The following PIM3 variants were observed in gnomAD, a reference collection of about 807,000 sequenced individuals.
PIM3 encodes Pim-3 proto-oncogene, serine/threonine kinase.
A neutral mutation model predicts 27.5 loss-of-function variants in PIM3; 13 were observed. That is an observed-to-expected ratio of 0.47 (90% CI 0.31 to 0.75). The LOEUF is 0.75. Among genes scored for constraint, PIM3 ranks in the 30% least tolerant of loss-of-function variants. The pLI, the probability that PIM3 is intolerant of heterozygous loss-of-function variation, is 0.05. For synonymous variants in PIM3, 341 were observed against 221.1 expected, an observed-to-expected ratio of 1.54 and a Z score of -4.81; for missense variants, 482 against 476.9, an observed-to-expected ratio of 1.01 and a Z score of -0.10.
In PIM3 at chr22:49,962,697, G is replaced by A; in HGVS notation, c.625G>A (p.Val209Met). ...GCCCTGTGTCCCCTTAGGCACCCGAGTGTACAGCCCCCCGGAGTGGATCCG... is the reference window on the plus strand; with the variant it reads ...GCCCTGTGTCCCCTTAGGCACCCGAATGTACAGCCCCCCGGAGTGGATCCG... ...TVYTDFDGTRVYSPPEWIRYH... is the reference protein window; with the variant it reads ...TVYTDFDGTRMYSPPEWIRYH... Residue 209 changes from valine (V) to methionine (M), a missense_variant, in exon 5 of 6, where the codon GTG becomes ATG. Transcript: ENST00000360612. The A allele has an allele frequency of 6.2e-7, 1 of 1,610,566 alleles. No homozygotes were observed.
In PIM3 at chr22:49,963,394, G is replaced by C. The variant is rs918650417; in HGVS notation, c.*267G>C. ...ACCCCAGACGCCCCTCTGTGCTGCT[G>C]TGTCCGGAGGCGGCCTTCCCATCTG... On this transcript the variant is annotated 3_prime_UTR_variant, in exon 6 of 6. Transcript: ENST00000360612. The C allele has an allele frequency of 7.6e-6, 3 of 396,604 alleles. No individual in the cohort carries two copies. The East Asian group carries it at 1.4e-4, about 19-fold the overall frequency. The allele number at this position is 396,604 out of a possible 1,614,324, so 24.6% of individuals were successfully genotyped here. A position where few individuals can be genotyped will look rare whatever the true frequency, so the allele number is the denominator to read the frequency against.
In PIM3 at chr22:49,963,132, C is replaced by T. The variant is rs768380996; in HGVS notation, c.*5C>T. 1.3e-6 allele frequency: 2 copies of T among 1,582,280 alleles called. No homozygotes were observed. Among genetic ancestry groups the T allele is most frequent in the Non-Finnish European group, 1.7e-6 (2 of 1,162,980 alleles). On this transcript the variant is annotated 3_prime_UTR_variant, in exon 6 of 6. Transcript: ENST00000360612. ...TCCAGCAGCGAGAGCTTGTGAGGAGCTGCACCTGACTGGGAGCTAGGGGAC... is the reference window on the plus strand; with the variant it reads ...TCCAGCAGCGAGAGCTTGTGAGGAGTTGCACCTGACTGGGAGCTAGGGGAC...
chr22:49,961,260 G>A (rs763761735), intron 2 of PIM3, 26 bp downstream of exon 2: 6 of 1,537,538 alleles, frequency 3.9e-6, no homozygotes, highest in Non-Finnish European at 5.2e-6. Flanking sequence ...GGGCGGGCCC[G>A]GGTTTCTCGC....
rs1359580936 is a variant in PIM3 at position 49,963,151 on chromosome 22, A to G, written c.*24A>G. The G allele has an allele frequency of 3.2e-6, 5 of 1,553,838 alleles. No individual in the cohort carries two copies. The highest frequency in any genetic ancestry group is 4.4e-6 in the Non-Finnish European group (5 of 1,147,380). On this transcript the variant is annotated 3_prime_UTR_variant, in exon 6 of 6. Coordinates refer to ENST00000360612, the MANE Select transcript of PIM3 (RefSeq NM_001001852.4). Reference sequence around the variant, plus strand: ...GAGGAGCTGCACCTGACTGGGAGCTAGGGGACCACCTGCCTTGGCCAGACC... The same window carrying G: ...GAGGAGCTGCACCTGACTGGGAGCTGGGGGACCACCTGCCTTGGCCAGACC...
In PIM3 at chr22:49,963,276, T is replaced by A; in HGVS notation, c.*149T>A. ...GGTGACCTTCGCTTTGAGTGCCTTT[T>A]GAACGCTGGTCCCGCGGGACTTGGT... On this transcript the variant is annotated 3_prime_UTR_variant, in exon 6 of 6. Transcript: ENST00000360612. The A allele has an allele frequency of 1.2e-6, 1 of 858,126 alleles. No homozygotes were observed. Among genetic ancestry groups the A allele is most frequent in the Non-Finnish European group, 1.7e-6 (1 of 581,744 alleles). The allele number at this position is 858,126 out of a possible 1,614,324, so 53.2% of individuals were successfully genotyped here.
At position 49,962,731 on chromosome 22, in the gene PIM3, G is replaced by T; in HGVS notation, c.659G>T (p.Arg220Leu). Residue 220 changes from arginine (R) to leucine (L), a missense_variant, in exon 5 of 6, where the codon CGC (arginine) becomes CTC (leucine). By Grantham distance (102) the Arg-to-Leu change is moderately radical (BLOSUM62 -2). Transcript: ENST00000360612. Reference sequence around the variant, plus strand: ...CCCCCGGAGTGGATCCGCTACCACCGCTACCACGGGCGCTCGGCCACCGTG... The same window carrying T: ...CCCCCGGAGTGGATCCGCTACCACCTCTACCACGGGCGCTCGGCCACCGTG... The part of the protein sequence containing the change: ...YSPPEWIRYH[R>L]YHGRSATVWS... 3 of 1,612,604 alleles carry T rather than the reference G, an allele frequency of 1.9e-6. No homozygotes were observed. The highest frequency in any genetic ancestry group is 2.2e-5 in the East Asian group (1 of 44,870).
chr22:49,962,986 G>T lies in PIM3; in HGVS notation c.840G>T (p.Glu280Asp). ...IRWCLSLRPS[E>D]RPSLDQIAAH... Reference sequence around the variant, plus strand: ...GGTGCCTGTCCCTGCGGCCCTCAGAGCGGCCGTCGCTGGATCAGATTGCGG... The same window carrying T: ...GGTGCCTGTCCCTGCGGCCCTCAGATCGGCCGTCGCTGGATCAGATTGCGG... The change falls in exon 6 of 6, where the codon GAG becomes GAT. Residue 280 changes from glutamate (E) to aspartate (D), a missense_variant. By Grantham distance (45) the Glu-to-Asp change is conservative. Coordinates refer to ENST00000360612, the MANE Select transcript of PIM3 (RefSeq NM_001001852.4). 6.2e-7 allele frequency: 1 copy of T among 1,610,722 alleles called. No individual in the cohort carries two copies. The highest frequency in any genetic ancestry group is 8.5e-7 in the Non-Finnish European group (1 of 1,179,766).
In PIM3 at chr22:49,963,143, T is replaced by G; in HGVS notation, c.*16T>G. ...GAGCTTGTGAGGAGCTGCACCTGAC[T>G]GGGAGCTAGGGGACCACCTGCCTTG... On this transcript the variant is annotated 3_prime_UTR_variant, in exon 6 of 6. Transcript: ENST00000360612. The G allele has an allele frequency of 1.3e-6, 2 of 1,569,290 alleles. No individual in the cohort carries two copies. Among genetic ancestry groups the G allele is most frequent in the Non-Finnish European group, 1.7e-6 (2 of 1,155,870 alleles).
At position 49,963,300 on chromosome 22, in the gene PIM3, G is replaced by A. The variant is rs1349120884; in HGVS notation, c.*173G>A. 1 of 712,764 alleles carries A rather than the reference G, an allele frequency of 1.4e-6. No individual in the cohort carries two copies. Among genetic ancestry groups the A allele is most frequent in the African/African-American group, 1.8e-5 (1 of 55,234 alleles). The allele number at this position is 712,764 out of a possible 1,614,324, so 44.2% of individuals were successfully genotyped here. On this transcript the variant is annotated 3_prime_UTR_variant, in exon 6 of 6. Transcript: ENST00000360612. ...TTGAACGCTGGTCCCGCGGGACTTG[G>A]TTTTCTCAAGCTCTGTCTGTCCAAA...
Position 49,963,038 on chromosome 22 carries a change from G to A in PIM3, c.892G>A (p.Gly298Arg), listed in dbSNP as rs750529036. ...CCATCCCTGGATGCTGGGGGCTGAC[G>A]GGGGCGTCCCGGAGAGCTGTGACCT... is the stretch of plus-strand genomic sequence containing the variant. ...AAHPWMLGADGGVPESCDLRL... is the reference protein window; with the variant it reads ...AAHPWMLGADRGVPESCDLRL... Residue 298 changes from glycine to arginine, a missense_variant, in exon 6 of 6, where the codon GGG (glycine) becomes AGG (arginine). Transcript: ENST00000360612. 5 of 1,611,112 alleles carry A rather than the reference G, an allele frequency of 3.1e-6. No homozygotes were observed. The African/African-American group carries it at 4.0e-5, about 13-fold the overall frequency.
chr22:49,963,657 C>A lies in PIM3; in HGVS notation c.*530C>A, dbSNP rs114867023. ...TTTAATTTATTTGTTGAGGTTATTT[C>A]CTCTGAGCAGTCTGCCTCTCCCAAG... On this transcript the variant is annotated 3_prime_UTR_variant, in exon 6 of 6. Coordinates refer to ENST00000360612, the MANE Select transcript of PIM3 (RefSeq NM_001001852.4). 1 of 153,040 alleles carries A rather than the reference C, an allele frequency of 6.5e-6. No individual in the cohort carries two copies. Among genetic ancestry groups the A allele is most frequent in the South Asian group, 1.9e-4 (1 of 5,276 alleles). 9.5% of individuals were successfully genotyped at this position (153,040 alleles called of 1,614,324 possible).
chr22:49,962,681 C>G lies in PIM3; in HGVS notation c.617-8C>G, dbSNP rs373030678. ...GTGGTGGGCGTGCTAAGCCCTGTGTCCCCTTAGGCACCCGAGTGTACAGCC... is the reference window on the plus strand; with the variant it reads ...GTGGTGGGCGTGCTAAGCCCTGTGTGCCCTTAGGCACCCGAGTGTACAGCC... On this transcript the variant is annotated splice_region_variant and splice_polypyrimidine_tract_variant and intron_variant, in intron 4 of 5. Coordinates refer to ENST00000360612, the MANE Select transcript of PIM3 (RefSeq NM_001001852.4). The G allele has an allele frequency of 1.9e-6, 3 of 1,606,390 alleles. No homozygotes were observed. The African/African-American group carries it at 4.0e-5, about 21-fold the overall frequency.
In PIM3 at chr22:49,961,546, C is replaced by G; in HGVS notation, c.351C>G (p.Asp117Glu). Reference sequence around the variant, plus strand: ...TGCTGGACTGGTTCGAGCGGCCCGACGGCTTCCTGCTGGTGCTGGAGCGGC... The same window carrying G: ...TGCTGGACTGGTTCGAGCGGCCCGAGGGCTTCCTGCTGGTGCTGGAGCGGC... ...IRLLDWFERPDGFLLVLERPE... is the reference protein window; with the variant it reads ...IRLLDWFERPEGFLLVLERPE... Residue 117 changes from aspartate (D) to glutamate (E), a missense_variant, in exon 4 of 6, where the codon GAC (aspartate) becomes GAG (glutamate). Transcript: ENST00000360612. 1 of 1,544,566 alleles carries G rather than the reference C, an allele frequency of 6.5e-7. No individual in the cohort carries two copies. Among genetic ancestry groups the G allele is most frequent in the Non-Finnish European group, 8.7e-7 (1 of 1,145,584 alleles).
chr22:49,962,310 G>A (rs1215674312), intron 4 of PIM3, among the ~76,000 whole-genome samples: 1 of 151,152 alleles, frequency 6.6e-6, no homozygotes, highest in Non-Finnish European at 1.5e-5. Context: ...TGGGGAAGCC[G>A]GGGCTCCCCG....
In PIM3 at chr22:49,961,383, GGGC is replaced by G. The variant is rs763375767; in HGVS notation, c.246+30_246+32del. 1.2e-3 allele frequency: 1,773 copies of G among 1,457,276 alleles called. 1 individual carries two copies. The highest frequency in any genetic ancestry group is 2.9e-3 in the South Asian group (200 of 69,546). The allele number at this position is 1,457,276 out of a possible 1,614,324, so 90.3% of individuals were successfully genotyped here. A position where few individuals can be genotyped will look rare whatever the true frequency, so the allele number is the denominator to read the frequency against. On this transcript the variant is annotated intron_variant, in intron 3 of 5. Transcript: ENST00000360612. ...GGGGCAGCCTGGTAAGTTGGGGCACGGGCGGCGGCGGCGGCGGGGGGCGGGCGC... is the reference window on the plus strand; with the variant it reads ...GGGGCAGCCTGGTAAGTTGGGGCACGGGCGGCGGCGGCGGGGGGCGGGCGC...
At position 49,961,048 on chromosome 22, in the gene PIM3, G is replaced by GCGGGGC. The variant is rs563630127; in HGVS notation, c.85+30_85+35dup. 1.7e-3 allele frequency: 2,237 copies of GCGGGGC among 1,350,072 alleles called. 29 individuals carry two copies. The African/African-American group carries it at 0.025, about 15-fold the overall frequency. 83.6% of individuals were successfully genotyped at this position (1,350,072 alleles called of 1,614,324 possible). On this transcript the variant is annotated intron_variant, in intron 1 of 5. Transcript: ENST00000360612. ...CTGCAGCCAGGTACGCGCGGGGCCGGCGGGGCCGGGGCCGGGGCCAGGGCG... is the reference window on the plus strand; with the variant it reads ...CTGCAGCCAGGTACGCGCGGGGCCGGCGGGGCCGGGGCCGGGGCCGGGGCCAGGGCG...
chr22:49,962,515 T>TC (rs1384550239), intron 4 of PIM3, among the ~76,000 whole-genome samples, 174 bp from the exon 5 acceptor site: 1 of 147,862 alleles, frequency 6.8e-6, no homozygotes, highest in East Asian at 2.1e-4. Flanking sequence ...GGCCGGCCCC[T>TC]CCCCCAGCCC....
Position 49,961,652 on chromosome 22 carries a change from C to T in PIM3, c.457C>T (p.Gln153Ter). ...GCCGCTGGCGCGCCGCTTCTTCGCG[C>T]AGGTGCTGGCCGCCGTGCGCCACTG... ...DEPLARRFFA[Q>*]VLAAVRHCHS... Residue 153 changes from glutamine (Q) to a stop codon, truncating the protein, a stop_gained, in exon 4 of 6, where the codon CAG (glutamine) becomes TAG (stop). Transcript: ENST00000360612. LOFTEE classifies it high-confidence loss of function. The T allele has an allele frequency of 6.4e-7, 1 of 1,574,316 alleles. No homozygotes were observed. Among genetic ancestry groups the T allele is most frequent in the Non-Finnish European group, 8.6e-7 (1 of 1,160,810 alleles).
At position 49,961,335 on chromosome 22, in the gene PIM3, G is replaced by T; in HGVS notation, c.213G>T (p.Val71=). The change falls in exon 3 of 6, where the codon GTG becomes GTT. Residue 71 remains valine (V), a synonymous_variant. Coordinates refer to ENST00000360612, the MANE Select transcript of PIM3 (RefSeq NM_001001852.4). Reference sequence around the variant, plus strand: ...CTCCGCAGGTGGCTGTGAAGCACGTGGTGAAGGAGCGGGTGACCGAGTGGG... The same window carrying T: ...CTCCGCAGGTGGCTGTGAAGCACGTTGTGAAGGAGCGGGTGACCGAGTGGG... ...ADGLPVAVKH[V]VKERVTEWGS... The T allele has an allele frequency of 6.5e-7, 1 of 1,542,172 alleles. No individual in the cohort carries two copies.
Sources: allele counts gnomAD v4.1 joint callset (sites outside exome capture counted in the v4.1 genomes callset), GRCh38; gene constraint gnomAD v4.1.1; transcripts MANE v1.5; gene names NCBI Gene and HGNC (gene_info 2026-07-23, HGNC 2026-07-21).